ARMC2: variants seen among roughly 807,000 people sequenced by gnomAD.
ARMC2 encodes the protein armadillo repeat containing 2, also known as armadillo repeat-containing protein 2.
ARMC2 carries 67 observed loss-of-function variants against 90.3 expected under a neutral mutation model. The observed-to-expected ratio is 0.74, with a 90% CI of 0.61 to 0.91. The LOEUF is 0.91. Among genes scored for constraint, ARMC2 ranks in the 40% least tolerant of loss-of-function variants. The pLI, the probability that ARMC2 is intolerant of heterozygous loss-of-function variation, is 0.00. For synonymous variants in ARMC2, 393 were observed against 393.0 expected (o/e 1.00, Z 0.00); for missense variants, 920 against 1,030.9 (o/e 0.89, Z 1.47).
intron 10 of ARMC2, among the ~76,000 whole-genome samples, chr6:108,924,311 A>T (rs954858513): frequency 1.3e-5 from 2 of 152,134 alleles, no homozygotes; most frequent in Non-Finnish European, 2.9e-5. Flanking sequence ...TGAGGTCAGG[A>T]GTTCAAGACC....
chr6:108,898,108 C>T (rs370662703), intron 6 of ARMC2, among the ~76,000 whole-genome samples: 2 of 152,166 alleles, frequency 1.3e-5, no homozygotes, highest in Non-Finnish European at 2.9e-5. Flanking sequence ...CCATAGTCAA[C>T]GAGCTAGTAG....
rs183296577 is a variant in ARMC2 at position 108,949,605 on chromosome 6, C to T, written c.1597-3428C>T. On this transcript the variant is annotated intron_variant, in intron 12 of 17. Coordinates refer to ENST00000392644, the MANE Select transcript of ARMC2 (RefSeq NM_032131.6). ...TTAAGATGCTTAATTCTTGGAAATA[C>T]CCTCTGTCCTGGTTGGAAAACTGAT... 6.6e-4 allele frequency among the ~76,000 whole-genome samples: 101 copies of T among 152,276 alleles called. No individual in the cohort carries two copies. In the Middle Eastern group the frequency reaches 0.017, roughly 26 times the overall value.
chr6:108,917,712 A>G (rs1021330116), intron 10 of ARMC2, among the ~76,000 whole-genome samples: 2 of 152,124 alleles, frequency 1.3e-5, no homozygotes, highest in Non-Finnish European at 2.9e-5. Context: ...CAGTGGCGCA[A>G]TCTCGGCCCA....
At chr6:109,002,832 TAAA>T in the ARMC2 span, among the ~76,000 whole-genome samples, 1 of 152,144 alleles carries the variant, frequency 6.6e-6, no homozygotes, top group Non-Finnish European at 1.5e-5. Flanking sequence ...TTATGAAAAA[TAAA>T]AACTAAATTC....
At chr6:108,990,786 G>A in the ARMC2 span, 1 of 1,613,874 alleles carries the variant, frequency 6.2e-7, no homozygotes, top group Non-Finnish European at 8.5e-7. Flanking sequence ...TCCCACATCT[G>A]GATAAAGGCG....
chr6:108,969,235 C>T (rs117107554), intron 17 of ARMC2, among the ~76,000 whole-genome samples: 4,830 of 152,206 alleles, frequency 0.032, 118 homozygotes, highest in Middle Eastern at 0.058. Flanking sequence ...CTAGAACATT[C>T]GACAACTTTG....
Position 108,941,100 on chromosome 6 carries a change from A to G in ARMC2, c.1596+4101A>G, listed in dbSNP as rs1236278664. Among the ~76,000 whole-genome samples, 4 of 152,236 alleles carry G rather than the reference A, an allele frequency of 2.6e-5. No individual in the cohort carries two copies. In the East Asian group the frequency reaches 7.7e-4, roughly 29 times the overall value. Reference sequence around the variant, plus strand: ...TAGCTAGCTAGACAGACAGACAGACAGACAGACAGATATTTTAGACTAAAA... The same window carrying G: ...TAGCTAGCTAGACAGACAGACAGACGGACAGACAGATATTTTAGACTAAAA... On this transcript the variant is annotated intron_variant, in intron 12 of 17. Coordinates refer to ENST00000392644, the MANE Select transcript of ARMC2 (RefSeq NM_032131.6).
chr6:109,008,917 G>A, the ARMC2 span: 58 of 988,038 alleles, frequency 5.9e-5, no homozygotes, highest in Non-Finnish European at 7.0e-5. Context: ...GAGGCAAAGG[G>A]GATGAAGGTG....
chr6:108,971,654 G>A (rs1778773927), intron 17 of ARMC2, among the ~76,000 whole-genome samples: 2 of 152,088 alleles, frequency 1.3e-5, no homozygotes, highest in African/African-American at 4.8e-5. Context: ...TGGGTGCAGT[G>A]GCTCACGCCT....
intron 10 of ARMC2, among the ~76,000 whole-genome samples, chr6:108,915,453 A>G (rs1306530290): frequency 6.6e-6 from 1 of 152,068 alleles, no homozygotes; most frequent in Non-Finnish European, 1.5e-5. Flanking sequence ...GCTTTGGCCC[A>G]CTTTCTGGGG....
chr6:108,895,217 C>T (rs1051072764), intron 6 of ARMC2, among the ~76,000 whole-genome samples: 3 of 151,256 alleles, frequency 2.0e-5, no homozygotes, highest in South Asian at 2.1e-4. Context: ...AATCCCAGCA[C>T]TTTGGGAGAC....
At chr6:108,900,832 T>A (rs1772064076) in intron 7 of ARMC2, among the ~76,000 whole-genome samples, 1 of 152,104 alleles carries the variant, frequency 6.6e-6, no homozygotes, top group Non-Finnish European at 1.5e-5. Context: ...TTAGGTTATC[T>A]CCAAAGGCTT....
chr6:108,885,579 C>T (rs1413805839), intron 5 of ARMC2, among the ~76,000 whole-genome samples: 1 of 151,240 alleles, frequency 6.6e-6, no homozygotes, highest in African/African-American at 2.4e-5. Context: ...GAGGCTGGGG[C>T]AGGAGAATCG....
the ARMC2 span, among the ~76,000 whole-genome samples, chr6:108,999,627 A>G: frequency 3.3e-5 from 5 of 152,186 alleles, no homozygotes; most frequent in African/African-American, 4.8e-5. Flanking sequence ...ACTGACACCA[A>G]TGCTGGCCAA....
the ARMC2 span, among the ~76,000 whole-genome samples, chr6:109,008,419 A>G: frequency 5.3e-4 from 81 of 152,086 alleles, no homozygotes; most frequent in Non-Finnish European, 1.1e-3. Context: ...GGAACATCTA[A>G]TATGTCCATA....
At chr6:108,857,328 A>G (rs1028092386) in intron 2 of ARMC2, among the ~76,000 whole-genome samples, 5 of 152,226 alleles carry the variant, frequency 3.3e-5, no homozygotes, top group East Asian at 1.9e-4. Context: ...GAGTGCTAAT[A>G]TAAATGATAA....
At chr6:108,990,558 T>C in the ARMC2 span, 3 of 1,155,228 alleles carry the variant, frequency 2.6e-6, no homozygotes, top group Non-Finnish European at 3.8e-6. Flanking sequence ...TGATTATGTG[T>C]GTGTCTATGT....
intron 3 of ARMC2, among the ~76,000 whole-genome samples, chr6:108,862,363 A>AAAAAAAAAAAAAC (rs1562325611): frequency 2.7e-5 from 4 of 149,230 alleles, no homozygotes; most frequent in African/African-American, 1.0e-4. Flanking sequence ...AAAAAACAAA[A>AAAAAAAAAAAAAC]AAAACAAACA....
chr6:108,946,006 G>A (rs916990281), intron 12 of ARMC2, among the ~76,000 whole-genome samples: 2 of 152,236 alleles, frequency 1.3e-5, no homozygotes, highest in African/African-American at 2.4e-5. Context: ...ATTCCCAGCG[G>A]GTGCTGAGAG....
Sources: gnomAD v4.1 joint callset for allele counts (sites outside exome capture counted in the v4.1 genomes callset) on GRCh38, gnomAD v4.1.1 for gene constraint, MANE v1.5 for transcripts, NCBI Gene and HGNC (gene_info 2026-07-23, HGNC 2026-07-21) for gene names.